Variants in GNB5 observed in about 807,000 individuals in gnomAD.
The protein encoded by GNB5 is guanine nucleotide-binding protein subunit beta-5.
A neutral mutation model predicts 55.3 loss-of-function variants in GNB5; 37 were observed. The observed-to-expected ratio is 0.67, with a 90% CI of 0.51 to 0.88. The LOEUF is 0.88. Among genes scored for constraint, GNB5 ranks in the 40% least tolerant of loss-of-function variants. The pLI is 0.00. For missense variants in GNB5, 476 were observed against 515.3 expected, an observed-to-expected ratio of 0.92 and a Z score of 0.74; for synonymous variants, 219 against 198.5, an observed-to-expected ratio of 1.10 and a Z score of -0.87.
intron 6 of GNB5, among the ~76,000 whole-genome samples, chr15:52,142,542 G>A (rs1596070713): frequency 1.3e-5 from 2 of 150,222 alleles, no homozygotes; most frequent in South Asian, 4.3e-4. Context: ...CAAATTTGGG[G>A]CCTCTTCAAG....
In GNB5 at chr15:52,122,119, G is replaced by C. The variant is rs1406377154; in HGVS notation, c.*638C>G. 3.9e-5 allele frequency: 6 copies of C among 152,142 alleles called. No homozygotes were observed. The highest frequency in any genetic ancestry group is 1.4e-4 in the African/African-American group (6 of 41,434). The allele number at this position is 152,142 out of a possible 1,614,324, so 9.4% of individuals were successfully genotyped here. The stretch of plus-strand genomic sequence containing the variant: ...TCATCATCCATGAGTCAAACCACCT[G>C]TCCTTTTTAGGCATTTCTCTGCGTC... On this transcript the variant is annotated 3_prime_UTR_variant, in exon 13 of 13. Transcript: ENST00000261837.
chr15:52,135,767 A>G lies in GNB5; in HGVS notation c.628-11T>C. On this transcript the variant is annotated splice_polypyrimidine_tract_variant and intron_variant, in intron 7 of 12. Transcript: ENST00000261837. ...GCTCGCTGTCAGGATCTGCCCGCAG[A>G]AAAGGACAGGAAGTGGGTGGTTGTG... is the stretch of plus-strand genomic sequence containing the variant. The G allele has an allele frequency of 1.2e-6, 2 of 1,611,730 alleles. No homozygotes were observed. The highest frequency in any genetic ancestry group is 2.7e-5 in the African/African-American group (2 of 74,870).
intron 9 of GNB5, among the ~76,000 whole-genome samples, chr15:52,132,415 G>T (rs1028896561): frequency 2.6e-5 from 4 of 151,610 alleles, no homozygotes; most frequent in Admixed American, 2.0e-4. Flanking sequence ...ACCTCTAACT[G>T]GTCATCATAT....
At chr15:52,133,589 C>T (rs1596060771) in intron 8 of GNB5, 120 bp from the exon 9 acceptor site, 2 of 678,336 alleles carry the variant, frequency 2.9e-6, no homozygotes, top group Non-Finnish European at 5.3e-6. Flanking sequence ...TGACAACACA[C>T]TTTTCTGAGA....
At chr15:52,146,553 T>G (rs895457898) in intron 6 of GNB5, among the ~76,000 whole-genome samples, 1 of 152,058 alleles carries the variant, frequency 6.6e-6, no homozygotes, top group African/African-American at 2.4e-5. Flanking sequence ...TTGGTTCCTT[T>G]TTCCTTTCCT....
At chr15:52,143,497 C>A (rs1181581996) in intron 6 of GNB5, among the ~76,000 whole-genome samples, 2 of 152,118 alleles carry the variant, frequency 1.3e-5, no homozygotes, top group African/African-American at 2.4e-5. Context: ...GTGTACAATA[C>A]CTGAATGAAA....
At chr15:52,141,330 A>G in intron 6 of GNB5, 58 bp from the exon 7 acceptor site, 1 of 1,476,464 alleles carries the variant, frequency 6.8e-7, no homozygotes, top group Non-Finnish European at 9.5e-7. Context: ...ATATGTGTCT[A>G]CTTTTCCAAT....
chr15:52,133,477 T>A lies in GNB5; in HGVS notation c.772-8A>T, dbSNP rs753137682. On this transcript the variant is annotated splice_region_variant and splice_polypyrimidine_tract_variant and intron_variant, in intron 8 of 12. Transcript: ENST00000261837. ...GGCTTTCTTGTCACATCCCTACAAA[T>A]GAAAATTAGCCAGAGTTATGGCCAC... 3.8e-6 allele frequency: 6 copies of A among 1,597,284 alleles called. No individual in the cohort carries two copies. The highest frequency in any genetic ancestry group is 5.2e-6 in the Non-Finnish European group (6 of 1,164,628).
intron 3 of GNB5, among the ~76,000 whole-genome samples, chr15:52,163,101 C>T (rs772038718): frequency 7.2e-5 from 11 of 152,098 alleles, no homozygotes; most frequent in East Asian, 1.9e-4. Context: ...CCCCGACCAC[C>T]GGCCAAGGGA....
intron 3 of GNB5, among the ~76,000 whole-genome samples, chr15:52,172,392 C>T (rs1166945376): frequency 4.0e-5 from 6 of 151,866 alleles, no homozygotes; most frequent in Non-Finnish European, 8.8e-5. Context: ...GTGATCTTTC[C>T]GTTTTAGCCT....
chr15:52,141,360 A>G, intron 6 of GNB5, 88 bp from the exon 7 acceptor site: 1 of 1,133,990 alleles, frequency 8.8e-7, no homozygotes, highest in South Asian at 1.3e-5. Context: ...TTTTCAACAT[A>G]TTCTCTTTAG....
At chr15:52,141,054 G>C in intron 7 of GNB5, 86 bp downstream of exon 7, 2 of 1,162,600 alleles carry the variant, frequency 1.7e-6, no homozygotes, top group East Asian at 2.3e-5. Context: ...ATCTTGTTCA[G>C]AGAGACGCCG....
At chr15:52,190,888 C>T (rs201554007) in intron 1 of GNB5, among the ~76,000 whole-genome samples, 70 of 148,668 alleles carry the variant, frequency 4.7e-4, no homozygotes, top group Non-Finnish European at 7.8e-4. Context: ...CAGTCACAGA[C>T]GAAACTGTGA....
intron 3 of GNB5, among the ~76,000 whole-genome samples, chr15:52,176,980 TCAGATACAC>T (rs2034661392): frequency 6.7e-6 from 1 of 148,296 alleles, no homozygotes; most frequent in Admixed American, 6.7e-5. Flanking sequence ...CTCAGATACA[TCAGATACAC>T]CAAACACACC....
At chr15:52,135,454 G>A (rs946893718) in intron 8 of GNB5, among the ~76,000 whole-genome samples, 159 bp downstream of exon 8, 1 of 152,136 alleles carries the variant, frequency 6.6e-6, no homozygotes, top group Non-Finnish European at 1.5e-5. Context: ...AGCCAGTGCG[G>A]TCACTGCAGG....
intron 1 of GNB5, among the ~76,000 whole-genome samples, chr15:52,185,428 G>A (rs937569584): frequency 1.3e-5 from 2 of 152,344 alleles, no homozygotes; most frequent in East Asian, 1.9e-4. Flanking sequence ...GAGTCAGTGC[G>A]TAAAGCACTT....
chr15:52,152,329 T>A (rs1342138335), intron 4 of GNB5, among the ~76,000 whole-genome samples: 1 of 152,030 alleles, frequency 6.6e-6, no homozygotes, highest in Admixed American at 6.5e-5. Context: ...ATATCTTTTT[T>A]TTTTTGGAGA....
rs1051621459 is a variant in GNB5 at position 52,165,735 on chromosome 15, C to T, written c.239-11659G>A. Among the ~76,000 whole-genome samples, 19 of 147,604 alleles carry T rather than the reference C, an allele frequency of 1.3e-4. No homozygotes were observed. In the East Asian group the frequency reaches 3.6e-3, roughly 28 times the overall value. ...AGAAAGGAAAAACTGTTACCAGCTA[C>T]TACCAAAAAAAAACTGAAGTACAAG... On this transcript the variant is annotated intron_variant, in intron 3 of 12. Transcript: ENST00000261837.
intron 3 of GNB5, among the ~76,000 whole-genome samples, chr15:52,168,521 C>T (rs530437060): frequency 3.3e-5 from 5 of 152,220 alleles, no homozygotes; most frequent in African/African-American, 1.2e-4. Flanking sequence ...AGAATCAATA[C>T]AGTGAAAATG....
Sources: gnomAD v4.1 joint callset for allele counts (sites outside exome capture counted in the v4.1 genomes callset) on GRCh38, gnomAD v4.1.1 for gene constraint, MANE v1.5 for transcripts, NCBI Gene and HGNC (gene_info 2026-07-23, HGNC 2026-07-21) for gene names.